Variants in WWOX observed in about 807,000 individuals in gnomAD.
WWOX encodes WW domain-containing oxidoreductase.
A neutral mutation model predicts 46.2 loss-of-function variants in WWOX; 69 were observed. The observed-to-expected ratio is 1.49, with a 90% CI of 1.23 to 1.82. The LOEUF is 1.82. WWOX is among the 40% of genes most tolerant of loss of function. WWOX has a pLI of 0.00. For synonymous variants in WWOX, 359 were observed against 202.6 expected (o/e 1.77, Z -6.56); for missense variants, 919 against 542.6 (o/e 1.69, Z -6.89).
intron 8 of WWOX, among the ~76,000 whole-genome samples, chr16:79,075,789 G>C (rs974173436): frequency 2.6e-5 from 4 of 152,044 alleles, no homozygotes; most frequent in Non-Finnish European, 5.9e-5. Context: ...AAGCAAGAGA[G>C]GTTTACATAC....
At chr16:78,812,668 G>C (rs2051221214) in intron 8 of WWOX, among the ~76,000 whole-genome samples, 1 of 152,096 alleles carries the variant, frequency 6.6e-6, no homozygotes, top group Admixed American at 6.6e-5. Flanking sequence ...GAAGGTTGCA[G>C]TGAGCCAAGA....
chr16:78,148,310 G>A (rs933002971), intron 4 of WWOX, among the ~76,000 whole-genome samples: 11 of 152,158 alleles, frequency 7.2e-5, no homozygotes, highest in East Asian at 1.9e-4. Context: ...ACGTGTGTGC[G>A]CATGCCTGTG....
chr16:79,074,720 C>G (rs2048621995), intron 8 of WWOX, among the ~76,000 whole-genome samples: 1 of 152,020 alleles, frequency 6.6e-6, no homozygotes, highest in African/African-American at 2.4e-5. Context: ...CTTCTTCCCT[C>G]TACAAAGATA....
At chr16:78,436,849 G>A (rs555306897) in intron 8 of WWOX, among the ~76,000 whole-genome samples, 2 of 152,312 alleles carry the variant, frequency 1.3e-5, no homozygotes, top group South Asian at 4.1e-4. Context: ...CTTCCGTCAG[G>A]ATAATGCATC....
intron 5 of WWOX, among the ~76,000 whole-genome samples, chr16:78,258,696 A>T (rs2038196064): frequency 8.5e-6 from 1 of 118,154 alleles, no homozygotes; most frequent in South Asian, 3.1e-4. Flanking sequence ...AGTATTCCAG[A>T]TTCCTCCCTC....
chr16:78,271,743 C>T (rs760098770), intron 5 of WWOX, among the ~76,000 whole-genome samples: 6 of 152,134 alleles, frequency 3.9e-5, no homozygotes, highest in Non-Finnish European at 5.9e-5. Flanking sequence ...CTCTGCCCAG[C>T]GAGGGCGTTG....
chr16:78,230,725 G>A (rs1279035765), intron 5 of WWOX, among the ~76,000 whole-genome samples: 1 of 152,204 alleles, frequency 6.6e-6, no homozygotes, highest in African/African-American at 2.4e-5. Flanking sequence ...TGAAAGGGAA[G>A]GCAAATTCAC....
intron 6 of WWOX, among the ~76,000 whole-genome samples, chr16:78,421,932 A>G (rs9936956): frequency 6.6e-6 from 1 of 152,168 alleles, no homozygotes; most frequent in South Asian, 2.1e-4. Context: ...CATGTTTTCA[A>G]CTTAATATCC....
chr16:78,994,668 C>T (rs532074550), intron 8 of WWOX, among the ~76,000 whole-genome samples: 1 of 152,088 alleles, frequency 6.6e-6, no homozygotes, highest in Non-Finnish European at 1.5e-5. Context: ...AGCCCAATCG[C>T]GTCACACTGT....
At chr16:79,001,589 T>C (rs1010192843) in intron 8 of WWOX, among the ~76,000 whole-genome samples, 1 of 151,998 alleles carries the variant, frequency 6.6e-6, no homozygotes, top group African/African-American at 2.4e-5. Context: ...TTGCCCCTTA[T>C]ACATTAAGGT....
intron 8 of WWOX, among the ~76,000 whole-genome samples, chr16:78,744,669 T>C (rs1354727734): frequency 1.3e-5 from 2 of 152,072 alleles, no homozygotes; most frequent in Non-Finnish European, 2.9e-5. Context: ...TGACCTTAAG[T>C]GATCCACCTG....
chr16:78,735,474 G>A (rs1277000401), intron 8 of WWOX, among the ~76,000 whole-genome samples: 1 of 151,316 alleles, frequency 6.6e-6, no homozygotes, highest in African/African-American at 2.4e-5. Flanking sequence ...ACAGAGGCAA[G>A]ATCCTGTTTT....
intron 8 of WWOX, among the ~76,000 whole-genome samples, chr16:78,885,961 G>T (rs1428718308): frequency 4.5e-5 from 6 of 132,418 alleles, no homozygotes; most frequent in Non-Finnish European, 7.9e-5. Flanking sequence ...GTTTTGCTCT[G>T]TTGCCCAGGC....
intron 7 of WWOX, among the ~76,000 whole-genome samples, chr16:78,428,247 C>G (rs1352156471): frequency 6.6e-6 from 1 of 152,204 alleles, no homozygotes; most frequent in African/African-American, 2.4e-5. Context: ...GTCAGTTTGT[C>G]AACTTGAAAA....
At chr16:78,753,156 C>T (rs781782666) in intron 8 of WWOX, among the ~76,000 whole-genome samples, 4 of 151,986 alleles carry the variant, frequency 2.6e-5, no homozygotes, top group Non-Finnish European at 5.9e-5. Flanking sequence ...CAAAATTAGC[C>T]GGGCGTGGGG....
intron 8 of WWOX, among the ~76,000 whole-genome samples, chr16:78,706,794 A>T (rs1403663211): frequency 6.6e-6 from 1 of 152,070 alleles, no homozygotes; most frequent in African/African-American, 2.4e-5. Flanking sequence ...CTGACTCAGG[A>T]TACAAACTAC....
intron 8 of WWOX, among the ~76,000 whole-genome samples, chr16:78,754,899 A>G (rs910867789): frequency 1.3e-5 from 2 of 152,040 alleles, no homozygotes; most frequent in Non-Finnish European, 2.9e-5. Flanking sequence ...ACTGTCCATT[A>G]TCTGCAGGGG....
chr16:78,511,367 C>G (rs970756561), intron 8 of WWOX, among the ~76,000 whole-genome samples: 1 of 152,128 alleles, frequency 6.6e-6, no homozygotes, highest in Non-Finnish European at 1.5e-5. Flanking sequence ...TTTGAGAACT[C>G]TGAAATAATG....
chr16:78,578,254 T>TTATATATATA (rs1194130355), intron 8 of WWOX, among the ~76,000 whole-genome samples: 1,101 of 31,516 alleles, frequency 0.035, 89 homozygotes, highest in East Asian at 0.06. Context: ...ATACCAAATT[T>TTATATATATA]TATATATATA....
Sources: gnomAD v4.1 joint callset for allele counts (sites outside exome capture counted in the v4.1 genomes callset) on GRCh38, gnomAD v4.1.1 for gene constraint, MANE v1.5 for transcripts, NCBI Gene and HGNC (gene_info 2026-07-23, HGNC 2026-07-21) for gene names.